The following GSKIP variants were observed in gnomAD, a reference collection of about 807,000 sequenced individuals.
The protein encoded by GSKIP is GSK3B-interacting protein.
GSKIP carries 5 observed loss-of-function variants against 11.9 expected under a neutral mutation model. That is an observed-to-expected ratio of 0.42 (90% CI 0.22 to 0.89). The LOEUF is 0.89. Among genes scored for constraint, GSKIP ranks in the 40% least tolerant of loss-of-function variants. GSKIP has a pLI of 0.29. For missense variants in GSKIP, 150 were observed against 166.6 expected, an observed-to-expected ratio of 0.90 and a Z score of 0.55; for synonymous variants, 70 against 62.9, an observed-to-expected ratio of 1.11 and a Z score of -0.54.
intron 1 of GSKIP, among the ~76,000 whole-genome samples, chr14:96,375,084 A>G (rs1889161299): frequency 6.6e-6 from 1 of 152,254 alleles, no homozygotes; most frequent in East Asian, 1.9e-4. Flanking sequence ...TACATGAAGT[A>G]GTATAGTATT....
At chr14:96,374,349 A>G (rs1357158319) in intron 1 of GSKIP, among the ~76,000 whole-genome samples, 1 of 152,214 alleles carries the variant, frequency 6.6e-6, no homozygotes, top group African/African-American at 2.4e-5. Context: ...TAAATGTTTG[A>G]AGAAATAATG....
At chr14:96,382,597 A>C (rs1198093429) in intron 3 of GSKIP, 92 bp downstream of exon 3, 2 of 854,768 alleles carry the variant, frequency 2.3e-6, no homozygotes, top group Non-Finnish European at 3.4e-6. Context: ...GAGTGTTAAA[A>C]GAGAACTGGA....
At chr14:96,376,903 A>T (rs1000212045) in intron 1 of GSKIP, among the ~76,000 whole-genome samples, 1 of 151,146 alleles carries the variant, frequency 6.6e-6, no homozygotes, top group East Asian at 1.9e-4. Context: ...TAGGATAATG[A>T]TTCATTAGTT....
In GSKIP at chr14:96,386,653, G is replaced by T. The variant is rs535327309; in HGVS notation, c.*969G>T. On this transcript the variant is annotated 3_prime_UTR_variant, in exon 4 of 4. Transcript: ENST00000555181. ...GATGTACAGTGTTCTGTCTCCATTC[G>T]AAATCTACAATGTAATATGAGTGCA... The T allele has an allele frequency of 6.6e-6, 1 of 152,560 alleles. No individual in the cohort carries two copies. Among genetic ancestry groups the T allele is most frequent in the Non-Finnish European group, 1.5e-5 (1 of 68,022 alleles). The allele number at this position is 152,560 out of a possible 1,614,324, so 9.5% of individuals were successfully genotyped here.
intron 1 of GSKIP, among the ~76,000 whole-genome samples, chr14:96,370,600 A>C (rs768438704): frequency 1.6e-4 from 25 of 152,270 alleles, no homozygotes; most frequent in Non-Finnish European, 1.9e-4. Context: ...AGTTTCTGAC[A>C]GAACTGGTTG....
chr14:96,367,026 C>A (rs1349254146), intron 1 of GSKIP, among the ~76,000 whole-genome samples: 1 of 152,184 alleles, frequency 6.6e-6, no homozygotes, highest in African/African-American at 2.4e-5. Context: ...GCAGCCAATC[C>A]CCCACATAAT....
chr14:96,381,124 TTG>T (rs1889334929), intron 2 of GSKIP, among the ~76,000 whole-genome samples: 2 of 152,234 alleles, frequency 1.3e-5, no homozygotes. Context: ...GTAAAGCCTT[TTG>T]TACATTCCAA....
chr14:96,365,999 A>AT (rs1888870764), intron 1 of GSKIP, among the ~76,000 whole-genome samples: 1 of 152,110 alleles, frequency 6.6e-6, no homozygotes, highest in African/African-American at 2.4e-5. Flanking sequence ...AGTTAGAAGG[A>AT]TATCACCGTA....
At chr14:96,371,647 A>G (rs140530789) in intron 1 of GSKIP, among the ~76,000 whole-genome samples, 1,956 of 152,162 alleles carry the variant, frequency 0.013, 95 homozygotes, top group Admixed American at 0.09. Context: ...GGGTTTCGCC[A>G]TGTTGGCCAG....
chr14:96,366,234 C>T (rs1225597693), intron 1 of GSKIP, among the ~76,000 whole-genome samples: 1 of 151,922 alleles, frequency 6.6e-6, no homozygotes, highest in Non-Finnish European at 1.5e-5. Context: ...AGACTTCTGA[C>T]AAATAGATAC....
At chr14:96,372,371 A>G (rs1889071345) in intron 1 of GSKIP, among the ~76,000 whole-genome samples, 3 of 152,238 alleles carry the variant, frequency 2.0e-5, no homozygotes, top group South Asian at 2.1e-4. Context: ...ATTATTTGCC[A>G]TGAGGCTTAA....
rs1889476861 is a variant in GSKIP at position 96,385,852 on chromosome 14, G to A, written c.*168G>A. ...GATTATTGAATAATGATTTGTCTTA[G>A]TTTCTGTTTCAGTAAGGGAATTCTG... On this transcript the variant is annotated 3_prime_UTR_variant, in exon 4 of 4. Coordinates refer to ENST00000555181, the MANE Select transcript of GSKIP (RefSeq NM_016472.5). 1 of 558,006 alleles carries A rather than the reference G, an allele frequency of 1.8e-6. No individual in the cohort carries two copies. Among genetic ancestry groups the A allele is most frequent in the South Asian group, 2.3e-5 (1 of 42,680 alleles). 34.6% of individuals were successfully genotyped at this position (558,006 alleles called of 1,614,324 possible).
intron 1 of GSKIP, among the ~76,000 whole-genome samples, chr14:96,376,106 A>G (rs539592940): frequency 4.6e-5 from 7 of 152,232 alleles, no homozygotes; most frequent in South Asian, 2.1e-4. Flanking sequence ...CAATTAAAAG[A>G]GGTTGCCAGA....
At chr14:96,371,278 C>G (rs1391313885) in intron 1 of GSKIP, among the ~76,000 whole-genome samples, 9 of 152,098 alleles carry the variant, frequency 5.9e-5, no homozygotes. Context: ...TTTTAAGTGT[C>G]TGAATAATAA....
chr14:96,384,845 C>T (rs1889446601), intron 3 of GSKIP: 1 of 151,866 alleles, frequency 6.6e-6, no homozygotes, highest in Non-Finnish European at 1.5e-5. Context: ...TTAACATGTT[C>T]TTTTATCTCA....
intron 1 of GSKIP, among the ~76,000 whole-genome samples, chr14:96,366,077 T>C (rs1485157306): frequency 6.6e-6 from 1 of 152,016 alleles, no homozygotes; most frequent in African/African-American, 2.4e-5. Context: ...TTAGAAGCAG[T>C]TGGATTCTGG....
chr14:96,376,146 C>T (rs1889197096), intron 1 of GSKIP, among the ~76,000 whole-genome samples: 1 of 152,212 alleles, frequency 6.6e-6, no homozygotes, highest in African/African-American at 2.4e-5. Context: ...ACACTACATA[C>T]TGCCAGTAAG....
intron 3 of GSKIP, among the ~76,000 whole-genome samples, chr14:96,384,063 C>A (rs1441191843): frequency 1.3e-5 from 2 of 152,072 alleles, no homozygotes; most frequent in African/African-American, 4.8e-5. Context: ...TTAAAAAAAA[C>A]TTAAAACGAT....
chr14:96,364,277 G>A (rs1209551914), intron 1 of GSKIP: 1 of 152,212 alleles, frequency 6.6e-6, no homozygotes, highest in South Asian at 2.1e-4. Context: ...TAGAATCCCG[G>A]CACTGACACC....
Sources: gnomAD v4.1 joint callset for allele counts (sites outside exome capture counted in the v4.1 genomes callset) on GRCh38, gnomAD v4.1.1 for gene constraint, MANE v1.5 for transcripts, NCBI Gene and HGNC (gene_info 2026-07-23, HGNC 2026-07-21) for gene names.